TOP3A: variants seen among roughly 807,000 people sequenced by gnomAD.
TOP3A encodes DNA topoisomerase 3-alpha.
TOP3A carries 64 observed loss-of-function variants against 111.3 expected under a neutral mutation model. That is an observed-to-expected ratio of 0.57 (90% confidence interval 0.47 to 0.71). The LOEUF (loss-of-function observed/expected upper bound fraction) is 0.71. TOP3A is among the 30% of genes least tolerant of loss of function. TOP3A has a pLI of 0.00. For synonymous variants in TOP3A, 484 were observed against 485.1 expected (o/e 1.00, Z 0.03); for missense variants, 1,104 against 1,285.0 (o/e 0.86, Z 2.15).
At chr17:18,283,106 TGTG>T (rs1343331900) in intron 15 of TOP3A, among the ~76,000 whole-genome samples, 1 of 152,088 alleles carries the variant, frequency 6.6e-6, no homozygotes, top group African/African-American at 2.4e-5. Flanking sequence ...CTGGGCCAAA[TGTG>T]GTGGCTCACG....
At chr17:18,286,443 G>C (rs1365944119) in intron 13 of TOP3A, among the ~76,000 whole-genome samples, 1 of 152,154 alleles carries the variant, frequency 6.6e-6, no homozygotes, top group Non-Finnish European at 1.5e-5. Context: ...ATGAACCTGG[G>C]AGGCGGAGCC....
intron 8 of TOP3A, among the ~76,000 whole-genome samples, chr17:18,299,905 A>G (rs1447405310): frequency 6.6e-6 from 1 of 152,198 alleles, no homozygotes; most frequent in African/African-American, 2.4e-5. Flanking sequence ...CCAACAGCCT[A>G]TGCATCACCT....
At chr17:18,304,422 A>G (rs921741581) in intron 5 of TOP3A, among the ~76,000 whole-genome samples, 2 of 152,250 alleles carry the variant, frequency 1.3e-5, no homozygotes, top group African/African-American at 4.8e-5. Flanking sequence ...TTAAATTTCC[A>G]GGAGTCATTA....
chr17:18,280,453 C>A lies in TOP3A; in HGVS notation c.2144+83G>T, dbSNP rs988683824. On this transcript the variant is annotated intron_variant, in intron 17 of 18. Coordinates refer to ENST00000321105, the MANE Select transcript of TOP3A (RefSeq NM_004618.5). ...CAGGGCCTGAGTGGAATCCCCGACA[C>A]TCCTCTCTGGGTTCTGGCAGGAGCA... The A allele has an allele frequency of 4.6e-5, 69 of 1,510,386 alleles. No homozygotes were observed. The East Asian group carries it at 1.5e-3, about 32-fold the overall frequency. 93.6% of individuals were successfully genotyped at this position (1,510,386 alleles called of 1,614,324 possible).
At chr17:18,297,996 G>A (rs1428457521) in intron 9 of TOP3A, among the ~76,000 whole-genome samples, 4 of 151,124 alleles carry the variant, frequency 2.6e-5, no homozygotes, top group East Asian at 2.0e-4. Context: ...CTTCCCGGCC[G>A]CCATCCCATC....
At chr17:18,289,345 G>C (rs1980326744) in intron 13 of TOP3A, among the ~76,000 whole-genome samples, 1 of 152,014 alleles carries the variant, frequency 6.6e-6, no homozygotes, top group South Asian at 2.1e-4. Context: ...GTTGTTGTTT[G>C]TTTGTTTGTT....
At chr17:18,281,594 C>T (rs541460783) in intron 16 of TOP3A, among the ~76,000 whole-genome samples, 5 of 152,276 alleles carry the variant, frequency 3.3e-5, no homozygotes, top group East Asian at 1.9e-4. Context: ...CTGAAATATA[C>T]GCCCAGTCAT....
At chr17:18,284,375 G>GT (rs1979961383) in intron 15 of TOP3A, among the ~76,000 whole-genome samples, 1 of 152,078 alleles carries the variant, frequency 6.6e-6, no homozygotes, top group East Asian at 1.9e-4. Context: ...CTGGCCACGT[G>GT]TGATCAACTC....
chr17:18,304,538 GT>G (rs1485270235), intron 5 of TOP3A, among the ~76,000 whole-genome samples: 1 of 151,808 alleles, frequency 6.6e-6, no homozygotes, highest in African/African-American at 2.4e-5. Context: ...CATTAACACT[GT>G]TAGAGCCTTT....
At chr17:18,287,506 A>G (rs146004797) in intron 13 of TOP3A, among the ~76,000 whole-genome samples, 1 of 151,934 alleles carries the variant, frequency 6.6e-6, no homozygotes, top group East Asian at 2.0e-4. Flanking sequence ...AGCCTGGGTG[A>G]CAGAGTAAGA....
In TOP3A at chr17:18,302,396, T is replaced by C; in HGVS notation, c.682A>G (p.Arg228Gly). ...TCTGCCAGCACCTCAGGAAAAATCC[T>C]CTGAAGCCGCAGGGTCTGGAACCTA... ...FTRFQTLRLQ[R>G]IFPEVLAEQL... Residue 228 changes from arginine to glycine, a missense_variant, in exon 7 of 19, where the codon AGG becomes GGG. Physicochemically the swap from Arg to Gly is moderately radical, Grantham distance 125 (BLOSUM62 -2). Coordinates refer to ENST00000321105, the MANE Select transcript of TOP3A (RefSeq NM_004618.5). 1.2e-6 allele frequency: 2 copies of C among 1,613,244 alleles called. No homozygotes were observed.
At chr17:18,276,318 T>A (rs1205146244) in intron 18 of TOP3A, among the ~76,000 whole-genome samples, 2 of 152,164 alleles carry the variant, frequency 1.3e-5, no homozygotes, top group Non-Finnish European at 2.9e-5. Flanking sequence ...CCCAGGACAG[T>A]CAGTCAGCCA....
intron 10 of TOP3A, 97 bp from the exon 11 acceptor site, chr17:18,292,949 T>C: frequency 8.2e-7 from 1 of 1,222,020 alleles, no homozygotes; most frequent in Non-Finnish European, 1.1e-6. Context: ...CAAACACTCA[T>C]CTGATGTAGC....
chr17:18,305,245 T>C lies in TOP3A; in HGVS notation c.391-25A>G, dbSNP rs1196702722. 1.9e-6 allele frequency: 3 copies of C among 1,578,324 alleles called. No homozygotes were observed. The African/African-American group carries it at 4.1e-5, about 21-fold the overall frequency. On this transcript the variant is annotated intron_variant, in intron 4 of 18. Transcript: ENST00000321105. ...TCTTAAGTTCGCAGTGGAATAAGAG[T>C]GGTGAGAACAGAATTGCACAACAGT...
At chr17:18,278,399 T>G (rs762936523) in intron 17 of TOP3A, 42 bp from the exon 18 acceptor site, 1 of 1,486,582 alleles carries the variant, frequency 6.7e-7, no homozygotes, top group Non-Finnish European at 9.0e-7. Context: ...AACAACCAGA[T>G]GCCAGCTTCT....
chr17:18,300,966 G>GGAAAATGTGGATGCTATCACT (rs1256463415), intron 8 of TOP3A, among the ~76,000 whole-genome samples: 1 of 152,126 alleles, frequency 6.6e-6, no homozygotes, highest in Non-Finnish European at 1.5e-5. Context: ...TTCCTCATCT[G>GGAAAATGTGGATGCTATCACT]GAAAATGTGG....
intron 10 of TOP3A, among the ~76,000 whole-genome samples, chr17:18,293,308 G>C (rs1980593954): frequency 6.6e-6 from 1 of 152,228 alleles, no homozygotes; most frequent in African/African-American, 2.4e-5. Context: ...TCATTTTTGA[G>C]ATAGTCTTGC....
In TOP3A at chr17:18,271,746, A is replaced by C. The variant is rs1042965169; in HGVS notation, c.*3056T>G. ...TAAGAACTCCTACAACTCAACAACA[A>C]AGACAGACAACACAATTTAAAAATG... On this transcript the variant is annotated 3_prime_UTR_variant, in exon 19 of 19. Transcript: ENST00000321105. 2.2e-6 allele frequency: 1 copy of C among 448,898 alleles called. No homozygotes were observed. The highest frequency in any genetic ancestry group is 1.6e-5 in the South Asian group (1 of 62,792). The allele number at this position is 448,898 out of a possible 1,614,324, so 27.8% of individuals were successfully genotyped here.
intron 4 of TOP3A, among the ~76,000 whole-genome samples, chr17:18,305,482 ACACACGCGCGCGCGCGCGCGCG>A (rs1478689213): frequency 3.6e-5 from 5 of 139,288 alleles, no homozygotes; most frequent in African/African-American, 1.5e-4. Context: ...TCTAACACAC[ACACACGCGCGCGCGCGCGCGCG>A]CACGCACACT....
Sources: allele counts gnomAD v4.1 joint callset (sites outside exome capture counted in the v4.1 genomes callset), GRCh38; gene constraint gnomAD v4.1.1; transcripts MANE v1.5; gene names NCBI Gene and HGNC (gene_info 2026-07-23, HGNC 2026-07-21).